CCDC73: variants seen among roughly 807,000 people sequenced by gnomAD.
CCDC73 encodes the protein coiled-coil domain-containing protein 73.
CCDC73 carries 95 observed loss-of-function variants against 116.5 expected under a neutral mutation model. The ratio of observed to expected loss-of-function variants is 0.82; its 90% CI spans 0.69 to 0.97. The LOEUF (loss-of-function observed/expected upper bound fraction) is 0.97, where lower values mean the gene tolerates loss of function less well. Among genes scored for constraint, CCDC73 ranks in the 50% least tolerant of loss-of-function variants. The pLI is 0.00. For missense variants in CCDC73, 1,066 were observed against 1,206.8 expected (o/e 0.88, Z 1.73); for synonymous variants, 398 against 401.3 (o/e 0.99, Z 0.10).
At chr11:32,778,897 G>A (rs983653580) in intron 1 of CCDC73, among the ~76,000 whole-genome samples, 9 of 152,080 alleles carry the variant, frequency 5.9e-5, no homozygotes, top group Non-Finnish European at 1.0e-4. Context: ...AGAAGATTAC[G>A]TATTTCTCCA....
intron 2 of CCDC73, among the ~76,000 whole-genome samples, chr11:32,723,818 A>G (rs1444710617): frequency 6.6e-6 from 1 of 152,094 alleles, no homozygotes; most frequent in Non-Finnish European, 1.5e-5. Flanking sequence ...TACTTTATTG[A>G]AGTTAGAGAC....
the CCDC73 span, chr11:32,829,981 C>T: frequency 1.0e-6 from 1 of 984,718 alleles, no homozygotes; most frequent in Non-Finnish European, 1.2e-6. Context: ...GCGTGTTCCC[C>T]GGGCGCCCCT....
the CCDC73 span, among the ~76,000 whole-genome samples, chr11:32,800,982 T>C: frequency 6.6e-6 from 1 of 152,238 alleles, no homozygotes; most frequent in African/African-American, 2.4e-5. Context: ...GGATTCCTGA[T>C]GTGATTTGTG....
intron 17 of CCDC73, among the ~76,000 whole-genome samples, chr11:32,606,689 C>T (rs1565054052): frequency 6.6e-6 from 1 of 152,050 alleles, no homozygotes; most frequent in African/African-American, 2.4e-5. Flanking sequence ...AGCCTAGGTC[C>T]ACCACATATT....
chr11:32,640,893 T>C (rs1346146095), intron 13 of CCDC73, among the ~76,000 whole-genome samples: 2 of 151,950 alleles, frequency 1.3e-5, no homozygotes, highest in African/African-American at 4.8e-5. Flanking sequence ...GGCGGGTGCC[T>C]GTAGTCCCAG....
chr11:32,695,483 A>G (rs965547497), intron 6 of CCDC73, among the ~76,000 whole-genome samples: 2 of 152,084 alleles, frequency 1.3e-5, no homozygotes, highest in African/African-American at 4.8e-5. Flanking sequence ...CCAATTTAAC[A>G]TTTGGTGCTC....
chr11:32,811,252 C>T, the CCDC73 span, among the ~76,000 whole-genome samples: 1 of 152,132 alleles, frequency 6.6e-6, no homozygotes, highest in Non-Finnish European at 1.5e-5. Context: ...TAGTCACTCT[C>T]CTGAAATTTC....
intron 12 of CCDC73, among the ~76,000 whole-genome samples, chr11:32,644,631 A>C (rs1007247918): frequency 2.0e-5 from 3 of 152,188 alleles, no homozygotes; most frequent in African/African-American, 7.2e-5. Flanking sequence ...AATCCATTAA[A>C]CAGGAGCTCC....
At chr11:32,813,191 A>T in the CCDC73 span, among the ~76,000 whole-genome samples, 1 of 152,232 alleles carries the variant, frequency 6.6e-6, no homozygotes, top group African/African-American at 2.4e-5. Context: ...TGCTGAAAAA[A>T]TATCATTTAT....
chr11:32,778,345 TG>T (rs1461225664), intron 1 of CCDC73, among the ~76,000 whole-genome samples: 1 of 152,242 alleles, frequency 6.6e-6, no homozygotes, highest in African/African-American at 2.4e-5. Context: ...GGTCACTGGA[TG>T]TTTTTAAAAT....
intron 9 of CCDC73, among the ~76,000 whole-genome samples, chr11:32,663,762 T>G (rs1334177461): frequency 4.6e-5 from 7 of 152,224 alleles, no homozygotes; most frequent in African/African-American, 7.2e-5. Context: ...TGTGCCAGTT[T>G]TCAAAGGGAA....
chr11:32,703,636 C>A (rs539671820), intron 3 of CCDC73, among the ~76,000 whole-genome samples: 1 of 152,128 alleles, frequency 6.6e-6, no homozygotes, highest in Non-Finnish European at 1.5e-5. Flanking sequence ...CAACAAAAAC[C>A]AGTTTTATCA....
chr11:32,616,258 G>T (rs1855474000), intron 14 of CCDC73, 129 bp from the exon 15 acceptor site: 2 of 928,308 alleles, frequency 2.2e-6, no homozygotes, highest in South Asian at 3.8e-5. Flanking sequence ...AAAGTCAAAT[G>T]ATTTTTTAGT....
chr11:32,620,406 T>C (rs1855512648), intron 14 of CCDC73, among the ~76,000 whole-genome samples: 3 of 151,734 alleles, frequency 2.0e-5, no homozygotes, highest in Admixed American at 2.0e-4. Context: ...AGAAGTGACA[T>C]TGTATCACCT....
chr11:32,826,922 C>T, the CCDC73 span, among the ~76,000 whole-genome samples: 1 of 152,086 alleles, frequency 6.6e-6, no homozygotes, highest in Non-Finnish European at 1.5e-5. Context: ...AGGGCAATGG[C>T]GCGATCTCGG....
intron 1 of CCDC73, among the ~76,000 whole-genome samples, chr11:32,787,749 T>C (rs1656987185): frequency 6.6e-6 from 1 of 152,170 alleles, no homozygotes; most frequent in African/African-American, 2.4e-5. Flanking sequence ...CCATTAATTA[T>C]ACACAAGCTG....
intron 2 of CCDC73, among the ~76,000 whole-genome samples, chr11:32,723,563 G>A (rs1373563990): frequency 1.3e-5 from 2 of 152,154 alleles, no homozygotes; most frequent in African/African-American, 2.4e-5. Context: ...CGTGCCTGGC[G>A]TATGTACCTA....
the CCDC73 span, among the ~76,000 whole-genome samples, chr11:32,822,655 T>C: frequency 5.7e-4 from 87 of 152,178 alleles, no homozygotes; most frequent in African/African-American, 2.1e-3. Flanking sequence ...CAATTTCATA[T>C]TATTAAACCT....
intron 2 of CCDC73, among the ~76,000 whole-genome samples, chr11:32,749,316 T>A (rs1850266672): frequency 6.6e-6 from 1 of 152,088 alleles, no homozygotes; most frequent in Admixed American, 6.6e-5. Context: ...GAGACTCTGA[T>A]GCATTCTTCA....
Sources: gnomAD v4.1 joint callset for allele counts (sites outside exome capture counted in the v4.1 genomes callset) on GRCh38, gnomAD v4.1.1 for gene constraint, MANE v1.5 for transcripts, NCBI Gene and HGNC (gene_info 2026-07-23, HGNC 2026-07-21) for gene names.